The following TEAD1 variants were observed in gnomAD, a reference collection of about 807,000 sequenced individuals.
The protein encoded by TEAD1 is transcriptional enhancer factor TEF-1.
TEAD1 carries 9 observed loss-of-function variants against 54.9 expected under a neutral mutation model. The observed-to-expected ratio is 0.16, with a 90% CI of 0.10 to 0.29. TEAD1 has a LOEUF of 0.29. Ranked by LOEUF, TEAD1 falls within the 10% of genes least tolerant of loss-of-function variation. The probability of loss-of-function intolerance (pLI) is 1.00; values close to 1 mark genes in which losing one functional copy is unlikely to be tolerated. For missense variants in TEAD1, 387 were observed against 535.9 expected (o/e 0.72, Z 2.74); for synonymous variants, 200 against 187.8 (o/e 1.07, Z -0.53).
At chr11:12,902,402 G>A (rs1354516827) in intron 10 of TEAD1, among the ~76,000 whole-genome samples, 1 of 152,246 alleles carries the variant, frequency 6.6e-6, no homozygotes, top group Admixed American at 6.5e-5. Flanking sequence ...TGAAAATAAA[G>A]TTACATGCTT....
intron 2 of TEAD1, among the ~76,000 whole-genome samples, chr11:12,710,452 C>T (rs1231557894): frequency 6.6e-6 from 1 of 152,114 alleles, no homozygotes; most frequent in Non-Finnish European, 1.5e-5. Context: ...ATTCAGAGTT[C>T]ACAGTGAAGT....
At chr11:12,759,064 C>A (rs563642611) in intron 2 of TEAD1, among the ~76,000 whole-genome samples, 1 of 151,346 alleles carries the variant, frequency 6.6e-6, no homozygotes, top group Non-Finnish European at 1.5e-5. Flanking sequence ...TTTTGGTGAT[C>A]GTTGTGTTCA....
At chr11:12,882,974 C>T in intron 8 of TEAD1, 27 bp from the exon 9 acceptor site, 5 of 1,614,104 alleles carry the variant, frequency 3.1e-6, no homozygotes, top group Non-Finnish European at 4.2e-6. Context: ...GAGTGACCAG[C>T]ATCAAAGGTG....
At chr11:12,776,124 G>A (rs1400717393) in intron 3 of TEAD1, among the ~76,000 whole-genome samples, 1 of 152,118 alleles carries the variant, frequency 6.6e-6, no homozygotes, top group African/African-American at 2.4e-5. Flanking sequence ...CTAGGGCGGG[G>A]GAGGAGAACA....
chr11:12,799,870 T>C (rs1946013731), intron 3 of TEAD1, among the ~76,000 whole-genome samples: 1 of 152,160 alleles, frequency 6.6e-6, no homozygotes, highest in Admixed American at 6.5e-5. Flanking sequence ...CCCAAGCCTG[T>C]ATGGTAGAAG....
chr11:12,825,895 A>T (rs1285431029), intron 3 of TEAD1, among the ~76,000 whole-genome samples: 1 of 152,246 alleles, frequency 6.6e-6, no homozygotes, highest in African/African-American at 2.4e-5. Flanking sequence ...CTACAGAGGT[A>T]CCAAAGCAAT....
At chr11:12,893,032 G>A (rs1332354525) in intron 9 of TEAD1, among the ~76,000 whole-genome samples, 1 of 152,116 alleles carries the variant, frequency 6.6e-6, no homozygotes, top group African/African-American at 2.4e-5. Flanking sequence ...AGGAAGCCAG[G>A]GCCCAGAAAG....
At chr11:12,749,548 G>A (rs1463468369) in intron 2 of TEAD1, among the ~76,000 whole-genome samples, 2 of 152,180 alleles carry the variant, frequency 1.3e-5, no homozygotes, top group Non-Finnish European at 2.9e-5. Context: ...TGTCAGAGGG[G>A]AGGGGGAGGA....
chr11:12,865,584 A>G (rs1408047362), intron 5 of TEAD1: 2 of 151,996 alleles, frequency 1.3e-5, no homozygotes, highest in Non-Finnish European at 2.9e-5. Flanking sequence ...ACCCATTTGC[A>G]GTTTCATTTG....
At chr11:12,879,887 G>A (rs1386458823) in intron 6 of TEAD1, 45 bp downstream of exon 6, 3 of 1,610,634 alleles carry the variant, frequency 1.9e-6, no homozygotes, top group Non-Finnish European at 2.5e-6. Flanking sequence ...CTGGGGTTGG[G>A]GTTGGCATGT....
chr11:12,880,623 T>C (rs117134619), intron 6 of TEAD1, among the ~76,000 whole-genome samples: 3,072 of 152,362 alleles, frequency 0.02, 44 homozygotes, highest in Middle Eastern at 0.034. Context: ...GGGTCTTCAC[T>C]GCTGTTGACG....
chr11:12,821,416 G>A lies in TEAD1; in HGVS notation c.203-40834G>A, dbSNP rs115736298. Among the ~76,000 whole-genome samples the A allele has an allele frequency of 1.5e-3, 235 of 152,302 alleles. 1 individual carries two copies. Among genetic ancestry groups the A allele is most frequent in the African/African-American group, 5.2e-3 (216 of 41,570 alleles). ...ATCACATGAAATGATACAGGTGAAAGCATTTAGAAATGGAAAGCACTGTGG... is the reference window on the plus strand; with the variant it reads ...ATCACATGAAATGATACAGGTGAAAACATTTAGAAATGGAAAGCACTGTGG... On this transcript the variant is annotated intron_variant, in intron 3 of 12. Coordinates refer to ENST00000527636, the MANE Select transcript of TEAD1 (RefSeq NM_021961.6).
At chr11:12,711,456 CTGT>C (rs2133852333) in intron 2 of TEAD1, among the ~76,000 whole-genome samples, 1 of 152,296 alleles carries the variant, frequency 6.6e-6, no homozygotes, top group South Asian at 2.1e-4. Context: ...CAGCATCTCC[CTGT>C]TGTTTGAGAT....
At chr11:12,908,235 T>C (rs1037997672) in intron 10 of TEAD1, among the ~76,000 whole-genome samples, 1 of 152,134 alleles carries the variant, frequency 6.6e-6, no homozygotes, top group African/African-American at 2.4e-5. Flanking sequence ...CACCCCAGGA[T>C]ACAGTGTTCC....
intron 12 of TEAD1, among the ~76,000 whole-genome samples, chr11:12,933,084 A>T (rs556801886): frequency 6.6e-6 from 1 of 152,312 alleles, no homozygotes; most frequent in South Asian, 2.1e-4. Flanking sequence ...AGTACACTCT[A>T]TGCTGTTGGT....
intron 2 of TEAD1, among the ~76,000 whole-genome samples, chr11:12,706,523 ATC>A (rs1371057680): frequency 2.0e-5 from 3 of 152,248 alleles, no homozygotes; most frequent in Non-Finnish European, 4.4e-5. Context: ...CAGATAAATT[ATC>A]TGTTTTGTAT....
intron 2 of TEAD1, among the ~76,000 whole-genome samples, chr11:12,699,154 T>C (rs1164489713): frequency 2.6e-5 from 4 of 152,208 alleles, no homozygotes; most frequent in Non-Finnish European, 5.9e-5. Context: ...ACTTGTCTCA[T>C]CACTGTATCT....
At chr11:12,888,671 C>T (rs562923065) in intron 9 of TEAD1, among the ~76,000 whole-genome samples, 2 of 152,236 alleles carry the variant, frequency 1.3e-5, no homozygotes, top group African/African-American at 4.8e-5. Context: ...GACTTCCTCA[C>T]AACCCCACCA....
At chr11:12,810,737 G>C (rs528762369) in intron 3 of TEAD1, among the ~76,000 whole-genome samples, 17 of 152,328 alleles carry the variant, frequency 1.1e-4, no homozygotes, top group African/African-American at 3.8e-4. Context: ...CATTGTGGGG[G>C]AGTTCCTTCT....
Sources: gnomAD v4.1 joint callset for allele counts (sites outside exome capture counted in the v4.1 genomes callset) on GRCh38, gnomAD v4.1.1 for gene constraint, MANE v1.5 for transcripts, NCBI Gene and HGNC (gene_info 2026-07-23, HGNC 2026-07-21) for gene names.